ARHGAP15: variants seen among roughly 807,000 people sequenced by gnomAD.
The protein encoded by ARHGAP15 is rho GTPase-activating protein 15.
A neutral mutation model predicts 63.7 loss-of-function variants in ARHGAP15; 51 were observed. The ratio of observed to expected loss-of-function variants is 0.80; its 90% confidence interval spans 0.64 to 1.01. ARHGAP15 has a LOEUF of 1.01. Among genes scored for constraint, ARHGAP15 ranks in the 50% least tolerant of loss-of-function variants. The pLI is 0.00. For synonymous variants in ARHGAP15, 191 were observed against 193.8 expected (o/e 0.99, Z 0.12); for missense variants, 560 against 564.6 (o/e 0.99, Z 0.08).
intron 6 of ARHGAP15, among the ~76,000 whole-genome samples, chr2:143,401,492 C>T (rs181497370): frequency 6.6e-6 from 1 of 152,068 alleles, no homozygotes; most frequent in East Asian, 1.9e-4. Context: ...ACAAAACATT[C>T]TTTACATATT....
chr2:143,425,877 C>T (rs945747899), intron 6 of ARHGAP15, among the ~76,000 whole-genome samples: 12 of 152,106 alleles, frequency 7.9e-5, no homozygotes, highest in African/African-American at 2.9e-4. Flanking sequence ...TGTAGTATTA[C>T]ACTTACTTCT....
At chr2:143,522,945 G>A (rs1377361770) in intron 10 of ARHGAP15, among the ~76,000 whole-genome samples, 8 of 152,110 alleles carry the variant, frequency 5.3e-5, no homozygotes, top group Admixed American at 5.2e-4. Context: ...GTGTCTCTTA[G>A]ATAGAAGGGC....
chr2:143,314,750 G>A (rs1465330557), intron 6 of ARHGAP15, among the ~76,000 whole-genome samples: 1 of 143,262 alleles, frequency 7.0e-6, no homozygotes, highest in African/African-American at 3.0e-5. Flanking sequence ...GTTTAATACT[G>A]AAAGGATAAT....
At chr2:143,291,544 A>G (rs976466765) in intron 6 of ARHGAP15, among the ~76,000 whole-genome samples, 1 of 152,080 alleles carries the variant, frequency 6.6e-6, no homozygotes, top group Non-Finnish European at 1.5e-5. Context: ...ATTCTAAAGT[A>G]CTTCAGTGTA....
intron 8 of ARHGAP15, among the ~76,000 whole-genome samples, chr2:143,463,403 G>A (rs189185027): frequency 6.6e-6 from 1 of 152,240 alleles, no homozygotes; most frequent in East Asian, 1.9e-4. Flanking sequence ...TTAGCCAGGT[G>A]TAGTGGCGGG....
At chr2:143,621,983 A>G (rs1175596906) in intron 11 of ARHGAP15, among the ~76,000 whole-genome samples, 1 of 151,750 alleles carries the variant, frequency 6.6e-6, no homozygotes, top group Non-Finnish European at 1.5e-5. Context: ...TTTCTGATAA[A>G]TTTTTGGTAG....
intron 6 of ARHGAP15, among the ~76,000 whole-genome samples, chr2:143,414,243 A>G (rs1688585049): frequency 6.6e-6 from 1 of 151,858 alleles, no homozygotes; most frequent in Admixed American, 6.6e-5. Context: ...GCAGCAAACT[A>G]AAAATGAAGC....
intron 10 of ARHGAP15, among the ~76,000 whole-genome samples, chr2:143,523,342 C>T (rs1033034557): frequency 8.5e-5 from 13 of 152,138 alleles, no homozygotes; most frequent in South Asian, 8.3e-4. Context: ...CAGGGAAATA[C>T]GTGTGTTTAA....
rs544861848 is a variant in ARHGAP15, at chr2:143,748,261, G to C, written c.1245-19728G>C. Reference sequence around the variant, plus strand: ...TTACACTGTTAATTATGTCCAAAAAGCAATTTTATGATCTTTTCAAAAGTG... The same window carrying C: ...TTACACTGTTAATTATGTCCAAAAACCAATTTTATGATCTTTTCAAAAGTG... On this transcript the variant is annotated intron_variant, in intron 13 of 13. Transcript: ENST00000295095. 1.4e-4 allele frequency among the ~76,000 whole-genome samples: 21 copies of C among 152,194 alleles called. 1 individual carries two copies. The South Asian group carries it at 4.4e-3, about 32-fold the overall frequency.
intron 2 of ARHGAP15, among the ~76,000 whole-genome samples, chr2:143,198,111 G>C (rs776088529): frequency 4.6e-5 from 7 of 151,978 alleles, no homozygotes; most frequent in Non-Finnish European, 1.0e-4. Context: ...TACTTAAACT[G>C]TGTTTACACT....
At chr2:143,285,531 C>T (rs1558866644) in intron 6 of ARHGAP15, among the ~76,000 whole-genome samples, 1 of 152,116 alleles carries the variant, frequency 6.6e-6, no homozygotes, top group Non-Finnish European at 1.5e-5. Context: ...ATGAAAAATG[C>T]ATTCTATGAA....
intron 9 of ARHGAP15, among the ~76,000 whole-genome samples, chr2:143,515,907 C>T (rs779470321): frequency 9.9e-5 from 15 of 152,164 alleles, no homozygotes; most frequent in Non-Finnish European, 1.6e-4. Flanking sequence ...GAATGTATTC[C>T]TCGGCATACC....
At chr2:143,357,956 G>C (rs772059551) in intron 6 of ARHGAP15, among the ~76,000 whole-genome samples, 1 of 152,090 alleles carries the variant, frequency 6.6e-6, no homozygotes, top group Non-Finnish European at 1.5e-5. Context: ...TTGATGTATC[G>C]AGTAAGGAGA....
chr2:143,586,899 A>ATC (rs1216029870), intron 11 of ARHGAP15, among the ~76,000 whole-genome samples: 1 of 149,162 alleles, frequency 6.7e-6, no homozygotes, highest in Non-Finnish European at 1.5e-5. Context: ...CAATCTCTCA[A>ATC]TCTCTCTCTC....
At chr2:143,740,195 C>T (rs563500197) in intron 13 of ARHGAP15, among the ~76,000 whole-genome samples, 33 of 152,216 alleles carry the variant, frequency 2.2e-4, no homozygotes, top group African/African-American at 7.9e-4. Context: ...CCCTCATATA[C>T]ATGAATCTAC....
chr2:143,202,832 CT>C (rs1692175220), intron 3 of ARHGAP15, among the ~76,000 whole-genome samples: 1 of 151,966 alleles, frequency 6.6e-6, no homozygotes, highest in African/African-American at 2.4e-5. Flanking sequence ...AAGAATGGCA[CT>C]TTTTTCCATG....
chr2:143,615,968 T>C (rs1698437184), intron 11 of ARHGAP15, among the ~76,000 whole-genome samples: 1 of 152,024 alleles, frequency 6.6e-6, no homozygotes, highest in Non-Finnish European at 1.5e-5. Flanking sequence ...AAGCTCTGAG[T>C]AAGAAAGGAA....
At chr2:143,498,860 C>T (rs1184351905) in intron 9 of ARHGAP15, among the ~76,000 whole-genome samples, 1 of 152,116 alleles carries the variant, frequency 6.6e-6, no homozygotes, top group Non-Finnish European at 1.5e-5. Flanking sequence ...GACACATGGC[C>T]TGACAATGCC....
At chr2:143,229,991 A>G (rs1693376281) in intron 5 of ARHGAP15, among the ~76,000 whole-genome samples, 1 of 152,194 alleles carries the variant, frequency 6.6e-6, no homozygotes, top group African/African-American at 2.4e-5. Flanking sequence ...AATTTGTTTT[A>G]GGGTTTTATT....
Sources: allele counts gnomAD v4.1 joint callset (sites outside exome capture counted in the v4.1 genomes callset), GRCh38; gene constraint gnomAD v4.1.1; transcripts MANE v1.5; gene names NCBI Gene and HGNC (gene_info 2026-07-23, HGNC 2026-07-21).